RPS6KC1: variants seen among roughly 807,000 people sequenced by gnomAD.
RPS6KC1 encodes ribosomal protein S6 kinase C1.
A neutral mutation model predicts 103.8 loss-of-function variants in RPS6KC1; 54 were observed. The observed-to-expected ratio is 0.52, with a 90% confidence interval of 0.42 to 0.65. The LOEUF (loss-of-function observed/expected upper bound fraction) is 0.65, where lower values mean the gene tolerates loss of function less well. Among genes scored for constraint, RPS6KC1 ranks in the 30% least tolerant of loss-of-function variants. The pLI is 0.00. For synonymous variants in RPS6KC1, 439 were observed against 438.7 expected, an observed-to-expected ratio of 1.00 and a Z score of -0.01; for missense variants, 1,151 against 1,253.8, an observed-to-expected ratio of 0.92 and a Z score of 1.24.
the RPS6KC1 span, among the ~76,000 whole-genome samples, chr1:213,574,186 T>G: frequency 6.6e-6 from 1 of 152,210 alleles, no homozygotes; most frequent in Non-Finnish European, 1.5e-5. Context: ...GGCATCCCCT[T>G]TCTACGCCTC....
At chr1:213,184,610 TA>T (rs1221426481) in intron 8 of RPS6KC1, among the ~76,000 whole-genome samples, 2 of 152,076 alleles carry the variant, frequency 1.3e-5, no homozygotes, top group Non-Finnish European at 2.9e-5. Flanking sequence ...TTTTCTTTTT[TA>T]AAAAAATTGG....
chr1:213,202,689 C>A (rs1049064708), intron 8 of RPS6KC1, among the ~76,000 whole-genome samples: 9 of 152,030 alleles, frequency 5.9e-5, no homozygotes, highest in African/African-American at 1.2e-4. Context: ...CCTACAGTGA[C>A]AAATAGGGTT....
the RPS6KC1 span, among the ~76,000 whole-genome samples, chr1:213,796,148 C>T: frequency 9.2e-5 from 14 of 152,188 alleles, no homozygotes; most frequent in Admixed American, 9.2e-4. Context: ...GGATGGGATG[C>T]GTTTCAGTAC....
chr1:213,602,082 T>TTCTTTCTTTCTTTC, the RPS6KC1 span, among the ~76,000 whole-genome samples: 4 of 36,206 alleles, frequency 1.1e-4, 1 homozygote, highest in Non-Finnish European at 1.8e-4. Context: ...TTCTTTCTCT[T>TTCTTTCTTTCTTTC]TCTTTCTTTC....
rs2095084779 is a variant in RPS6KC1 at position 213,273,348 on chromosome 1, T to C, written c.*714T>C. ...TCTGCACCCTCTGCTTGTTCCCTCATATTCTGTTCTTCCGACTCCTGCTAA... is the reference window on the plus strand; with the variant it reads ...TCTGCACCCTCTGCTTGTTCCCTCACATTCTGTTCTTCCGACTCCTGCTAA... On this transcript the variant is annotated 3_prime_UTR_variant, in exon 15 of 15. Coordinates refer to ENST00000366960, the MANE Select transcript of RPS6KC1 (RefSeq NM_012424.6). 1 of 152,618 alleles carries C rather than the reference T, an allele frequency of 6.6e-6. No homozygotes were observed. Among genetic ancestry groups the C allele is most frequent in the African/African-American group, 2.4e-5 (1 of 41,434 alleles). The allele number at this position is 152,618 out of a possible 1,614,324, so 9.5% of individuals were successfully genotyped here.
chr1:213,632,318 C>G, the RPS6KC1 span, among the ~76,000 whole-genome samples: 1 of 152,174 alleles, frequency 6.6e-6, no homozygotes, highest in African/African-American at 2.4e-5. Flanking sequence ...CAGCTCCAGT[C>G]TGCAGCTCCC....
At chr1:213,554,725 CTGATTA>C in the RPS6KC1 span, among the ~76,000 whole-genome samples, 1 of 152,120 alleles carries the variant, frequency 6.6e-6, no homozygotes, top group African/African-American at 2.4e-5. Flanking sequence ...AACCACCGTT[CTGATTA>C]TAAGTACAGA....
the RPS6KC1 span, among the ~76,000 whole-genome samples, chr1:213,558,110 T>G: frequency 6.6e-6 from 1 of 152,220 alleles, no homozygotes; most frequent in Non-Finnish European, 1.5e-5. Context: ...TTCTTCCCTT[T>G]CTTTAAACTT....
At chr1:213,625,690 T>A in the RPS6KC1 span, among the ~76,000 whole-genome samples, 63 of 152,368 alleles carry the variant, frequency 4.1e-4, no homozygotes, top group African/African-American at 1.3e-3. Context: ...TTTGGTTTTT[T>A]GTCCTTGCGA....
the RPS6KC1 span, among the ~76,000 whole-genome samples, chr1:213,549,246 A>C: frequency 6.6e-6 from 1 of 152,174 alleles, no homozygotes; most frequent in African/African-American, 2.4e-5. Flanking sequence ...GCAATGGATC[A>C]CCAGGGCCAA....
chr1:213,336,609 C>T, the RPS6KC1 span, among the ~76,000 whole-genome samples: 3 of 152,190 alleles, frequency 2.0e-5, no homozygotes, highest in African/African-American at 7.2e-5. Context: ...AGTGTGATCA[C>T]ATACCTTTTC....
At chr1:213,170,776 G>A (rs1481845061) in intron 7 of RPS6KC1, among the ~76,000 whole-genome samples, 2 of 152,178 alleles carry the variant, frequency 1.3e-5, no homozygotes, top group African/African-American at 4.8e-5. Context: ...ATTTTCTCAT[G>A]TATAATTTAA....
At chr1:213,835,191 C>T in the RPS6KC1 span, among the ~76,000 whole-genome samples, 1 of 152,118 alleles carries the variant, frequency 6.6e-6, no homozygotes, top group Non-Finnish European at 1.5e-5. Context: ...AAGCCAACAG[C>T]CAGAGGCAGG....
chr1:213,110,518 A>G (rs1248734478), intron 4 of RPS6KC1, among the ~76,000 whole-genome samples: 4 of 152,208 alleles, frequency 2.6e-5, no homozygotes, highest in Non-Finnish European at 4.4e-5. Flanking sequence ...AAGCCAGGCT[A>G]TATAGGGGTT....
chr1:213,619,945 G>C, the RPS6KC1 span, among the ~76,000 whole-genome samples: 1 of 152,180 alleles, frequency 6.6e-6, no homozygotes, highest in South Asian at 2.1e-4. Context: ...ACCACAATGA[G>C]CTTAGGGTCA....
chr1:213,402,083 A>T, the RPS6KC1 span, among the ~76,000 whole-genome samples: 28 of 118,574 alleles, frequency 2.4e-4, no homozygotes, highest in African/African-American at 6.9e-4. Context: ...GTGTATTTTT[A>T]AAAAATTCAG....
the RPS6KC1 span, among the ~76,000 whole-genome samples, chr1:213,451,332 T>C: frequency 6.6e-6 from 1 of 152,240 alleles, no homozygotes; most frequent in Non-Finnish European, 1.5e-5. Context: ...TCAGTGAATA[T>C]GAGAAAATGA....
At chr1:213,414,262 A>G in the RPS6KC1 span, among the ~76,000 whole-genome samples, 1 of 152,222 alleles carries the variant, frequency 6.6e-6, no homozygotes, top group East Asian at 1.9e-4. Context: ...CTTTAAGAAG[A>G]TGAGTGGATT....
chr1:213,073,547 A>G (rs1318306478), intron 2 of RPS6KC1, among the ~76,000 whole-genome samples: 3 of 152,250 alleles, frequency 2.0e-5, no homozygotes, highest in Non-Finnish European at 2.9e-5. Flanking sequence ...CTCTACAGGT[A>G]GGATATTTCA....
Sources: allele counts gnomAD v4.1 joint callset (sites outside exome capture counted in the v4.1 genomes callset), GRCh38; gene constraint gnomAD v4.1.1; transcripts MANE v1.5; gene names NCBI Gene and HGNC (gene_info 2026-07-23, HGNC 2026-07-21).